Variants in JAK3 observed in about 807,000 individuals in gnomAD.
The protein encoded by JAK3 is tyrosine-protein kinase JAK3.
Under a neutral mutation model 120.8 loss-of-function variants are expected in JAK3, and 88 were observed. The observed-to-expected ratio is 0.73, with a 90% CI of 0.61 to 0.87. The LOEUF (loss-of-function observed/expected upper bound fraction) is 0.87. JAK3 is among the 40% of genes least tolerant of loss of function. The pLI is 0.00. For missense variants in JAK3, 1,254 were observed against 1,501.4 expected, an observed-to-expected ratio of 0.84 and a Z score of 2.72; for synonymous variants, 592 against 628.6, an observed-to-expected ratio of 0.94 and a Z score of 0.87.
intron 17 of JAK3, among the ~76,000 whole-genome samples, chr19:17,833,845 A>G (rs78914995): frequency 0.011 from 1,655 of 151,480 alleles, 34 homozygotes; most frequent in African/African-American, 0.038. Flanking sequence ...AGAGGGAGAT[A>G]GTGTCTCAAA....
chr19:17,837,069 G>T, intron 13 of JAK3, 60 bp downstream of exon 13: 1 of 1,024,090 alleles, frequency 9.8e-7, no homozygotes, highest in Admixed American at 2.6e-5. Flanking sequence ...AACAGAGGTG[G>T]GAAGAACAGC....
chr19:17,836,463 G>A (rs1414359439), intron 13 of JAK3, among the ~76,000 whole-genome samples: 1 of 152,110 alleles, frequency 6.6e-6, no homozygotes, highest in Non-Finnish European at 1.5e-5. Context: ...TGTATTTTTA[G>A]TAGAGACGGG....
At position 17,841,436 on chromosome 19, in the gene JAK3, C is replaced by A. The variant is rs1013384921; in HGVS notation, c.1095G>T (p.Pro365=). 16 of 1,554,046 alleles carry A rather than the reference C, an allele frequency of 1.0e-5. No homozygotes were observed. Among genetic ancestry groups the A allele is most frequent in the African/African-American group, 1.4e-5 (1 of 73,276 alleles). The change falls in exon 8 of 24, where the codon CCG becomes CCT. Residue 365 remains proline (P), a synonymous_variant. Transcript: ENST00000458235. The surrounding 1 kb of genome is among the most constrained non-coding windows in gnomAD (Gnocchi z 4.1). Reference sequence around the variant, plus strand: ...CGGCCACTTCCTCCAGCAGCCTCGGCGGTGCCACCTCCTTGCAGAAGAAGT... The same window carrying A: ...CGGCCACTTCCTCCAGCAGCCTCGGAGGTGCCACCTCCTTGCAGAAGAAGT... ...SQHFFCKEVA[P]PRLLEEVAEQ... is the part of the protein sequence containing the mutation.
At chr19:17,839,706 A>G in intron 9 of JAK3, 43 bp from the exon 10 acceptor site, 1 of 1,432,156 alleles carries the variant, frequency 7.0e-7, no homozygotes, top group Non-Finnish European at 9.6e-7. Flanking sequence ...AGCGACAGAC[A>G]CTCTCCTTCT....
At position 17,843,538 on chromosome 19, in the gene JAK3, C is replaced by T; in HGVS notation, c.309-47G>A. ...CTGGGATGAAAGTGCAACCCAGCCT[C>T]AGTAGGAGTGACATTATGGTGGGGG... On this transcript the variant is annotated intron_variant, in intron 3 of 23. Coordinates refer to ENST00000458235, the MANE Select transcript of JAK3 (RefSeq NM_000215.4). The surrounding 1 kb of genome is among the most constrained non-coding windows in gnomAD (Gnocchi z 5.4). 7.3e-7 allele frequency: 1 copy of T among 1,369,158 alleles called. No homozygotes were observed. Among genetic ancestry groups the T allele is most frequent in the Non-Finnish European group, 1.0e-6 (1 of 975,194 alleles). The allele number at this position is 1,369,158 out of a possible 1,614,324, so 84.8% of individuals were successfully genotyped here.
chr19:17,829,783 C>A (rs1251504707), intron 23 of JAK3: 3 of 450,036 alleles, frequency 6.7e-6, no homozygotes, highest in Non-Finnish European at 1.2e-5. Context: ...AAAAAAAAAA[C>A]CATGAACGTC....
intron 1 of JAK3, among the ~76,000 whole-genome samples, chr19:17,847,096 C>T (rs1233439608): frequency 6.6e-6 from 1 of 152,162 alleles, no homozygotes; most frequent in Non-Finnish European, 1.5e-5. Flanking sequence ...TAGGGTTTCA[C>T]CATGTTGACC....
chr19:17,846,224 G>A (rs1028431104), intron 1 of JAK3, among the ~76,000 whole-genome samples: 2 of 152,172 alleles, frequency 1.3e-5, no homozygotes, highest in Non-Finnish European at 2.9e-5. Context: ...TCTGCTGAGC[G>A]CAATCCAGGC....
chr19:17,833,950 C>A (rs1234818100), intron 17 of JAK3, among the ~76,000 whole-genome samples: 2 of 152,086 alleles, frequency 1.3e-5, no homozygotes, highest in Non-Finnish European at 2.9e-5. Flanking sequence ...GGAGTTTTGC[C>A]ATGTTGCCCA....
In JAK3 at chr19:17,839,517, C is replaced by A; in HGVS notation, c.1401G>T (p.Val467=). The part of the protein sequence containing the change: ...CWDGGLHVDG[V]AVTLTSCCIP... ...TACAGCAGGAAGTGAGGGTCACTGC[C>A]ACCCCATCTACGTGCAGCCCCCCAT... The change falls in exon 10 of 24, where the codon GTG becomes GTT. Residue 467 remains valine, a synonymous_variant. Transcript: ENST00000458235. 1 of 1,598,940 alleles carries A rather than the reference C, an allele frequency of 6.3e-7. No homozygotes were observed. The highest frequency in any genetic ancestry group is 2.3e-5 in the East Asian group (1 of 44,286).
At position 17,841,602 on chromosome 19, in the gene JAK3, C is replaced by T. The variant is rs2094239022; in HGVS notation, c.984+38G>A. The T allele has an allele frequency of 6.2e-7, 1 of 1,612,830 alleles. No individual in the cohort carries two copies. Among genetic ancestry groups the T allele is most frequent in the South Asian group, 1.1e-5 (1 of 90,990 alleles). On this transcript the variant is annotated intron_variant, in intron 7 of 23. Coordinates refer to ENST00000458235, the MANE Select transcript of JAK3 (RefSeq NM_000215.4). The surrounding 1 kb of genome is among the most constrained non-coding windows in gnomAD (Gnocchi z 4.1). ...AACCCGAGGGTGCCGGTCCCGCCCT[C>T]GGGGTAAGGCTGAAGGGGAGGGGAA... is the stretch of plus-strand genomic sequence containing the variant.
chr19:17,837,058 G>T, intron 13 of JAK3, 71 bp downstream of exon 13: 1 of 1,063,598 alleles, frequency 9.4e-7, no homozygotes, highest in Non-Finnish European at 1.4e-6. Context: ...TAGCGGCTCA[G>T]AACAGAGGTG....
intron 10 of JAK3, among the ~76,000 whole-genome samples, chr19:17,838,733 T>TG (rs2094230503): frequency 2.2e-5 from 3 of 137,312 alleles, no homozygotes; most frequent in Non-Finnish European, 3.1e-5. Flanking sequence ...TTTTTTTTTT[T>TG]GAGACAGAGT....
Position 17,825,694 on chromosome 19 carries a change from G to A in JAK3, c.*1049C>T, listed in dbSNP as rs2094202648. ...AGACGGGCAGATCACGAGGTCAGGA[G>A]ATGGAAACCATCCTGGCTAACAAGG... On this transcript the variant is annotated 3_prime_UTR_variant, in exon 24 of 24. Transcript: ENST00000458235. 5.9e-6 allele frequency: 1 copy of A among 169,634 alleles called. No individual in the cohort carries two copies. Among genetic ancestry groups the A allele is most frequent in the South Asian group, 2.0e-4 (1 of 4,978 alleles). The allele number at this position is 169,634 out of a possible 1,614,324, so 10.5% of individuals were successfully genotyped here.
chr19:17,836,494 CTGG>C (rs568429225), intron 13 of JAK3, among the ~76,000 whole-genome samples: 180 of 152,282 alleles, frequency 1.2e-3, no homozygotes, highest in Middle Eastern at 3.4e-3. Flanking sequence ...GTTGGCCAGA[CTGG>C]TCTTGAACTC....
At position 17,834,722 on chromosome 19, in the gene JAK3, C is replaced by T; in HGVS notation, c.2200-1G>A. ...GCCGGTCCTCATAAAATTGGAGTTT[C>T]TGAGGGTGAGAGGAGCAGTCGGTAA... On this transcript the variant is annotated splice_acceptor_variant, in intron 16 of 23. Coordinates refer to ENST00000458235, the MANE Select transcript of JAK3 (RefSeq NM_000215.4). LOFTEE classifies it high-confidence loss of function. The T allele has an allele frequency of 6.2e-7, 1 of 1,614,072 alleles. No individual in the cohort carries two copies. Among genetic ancestry groups the T allele is most frequent in the Non-Finnish European group, 8.5e-7 (1 of 1,180,004 alleles).
chr19:17,846,309 G>A (rs750579759), intron 1 of JAK3, among the ~76,000 whole-genome samples: 1 of 152,086 alleles, frequency 6.6e-6, no homozygotes, highest in Non-Finnish European at 1.5e-5. Flanking sequence ...ATCAACAAAC[G>A]CCTGTTAAAC....
rs1290978142 is a variant in JAK3, at chr19:17,843,009, C to G, written c.566+18G>C. On this transcript the variant is annotated intron_variant, in intron 5 of 23. Coordinates refer to ENST00000458235, the MANE Select transcript of JAK3 (RefSeq NM_000215.4). The surrounding 1 kb of genome is among the most constrained non-coding windows in gnomAD (Gnocchi z 5.4). ...CACTCCCAAGCAGAGGCCGTCCCCA[C>G]AGCCTGGTGGCTCTCACCTGACAGT... is the stretch of plus-strand genomic sequence containing the variant. The G allele has an allele frequency of 3.7e-6, 6 of 1,609,198 alleles. No homozygotes were observed. Among genetic ancestry groups the G allele is most frequent in the Non-Finnish European group, 5.1e-6 (6 of 1,179,668 alleles).
At chr19:17,839,259 T>G in intron 10 of JAK3, 1 of 675,578 alleles carries the variant, frequency 1.5e-6, no homozygotes, top group Non-Finnish European at 2.7e-6. Flanking sequence ...GGAGAGAGAC[T>G]AGGTGCAGAT....
Sources: gnomAD v4.1 joint callset for allele counts (sites outside exome capture counted in the v4.1 genomes callset) on GRCh38, gnomAD v4.1.1 for gene constraint, Gnocchi (gnomAD v3.1) non-coding constraint, MANE v1.5 for transcripts, NCBI Gene and HGNC (gene_info 2026-07-23, HGNC 2026-07-21) for gene names.